MDGA2: variants seen among roughly 807,000 people sequenced by gnomAD.
The protein encoded by MDGA2 is MAM domain-containing glycosylphosphatidylinositol anchor protein 2.
In MDGA2, 40 loss-of-function variants were observed where a neutral mutation model predicts 117.8. The ratio of observed to expected loss-of-function variants is 0.34; its 90% confidence interval spans 0.26 to 0.44. The LOEUF (loss-of-function observed/expected upper bound fraction) is 0.44. Ranked by LOEUF, MDGA2 falls within the 20% of genes least tolerant of loss-of-function variation. The pLI, the probability that MDGA2 is intolerant of heterozygous loss-of-function variation, is 1.00. For synonymous variants in MDGA2, 452 were observed against 439.0 expected (o/e 1.03, Z -0.37); for missense variants, 1,123 against 1,250.6 (o/e 0.90, Z 1.54).
intron 2 of MDGA2, among the ~76,000 whole-genome samples, chr14:47,256,828 A>G (rs1887636119): frequency 6.6e-6 from 1 of 151,806 alleles, no homozygotes; most frequent in Non-Finnish European, 1.5e-5. Context: ...AAGAAAGGAA[A>G]GAAGGAAGGA....
At chr14:47,601,636 A>G (rs945249748) in intron 1 of MDGA2, among the ~76,000 whole-genome samples, 2 of 152,196 alleles carry the variant, frequency 1.3e-5, no homozygotes, top group Non-Finnish European at 2.9e-5. Context: ...AGACAATAGC[A>G]TGTCAGAGTT....
chr14:47,285,578 C>T (rs1293448923), intron 2 of MDGA2, among the ~76,000 whole-genome samples: 1 of 152,118 alleles, frequency 6.6e-6, no homozygotes, highest in Non-Finnish European at 1.5e-5. Flanking sequence ...CTAGAATTTT[C>T]TCTGACTGAA....
chr14:46,992,542 T>C (rs1887131697), intron 8 of MDGA2, among the ~76,000 whole-genome samples: 1 of 152,210 alleles, frequency 6.6e-6, no homozygotes, highest in Non-Finnish European at 1.5e-5. Flanking sequence ...GTAGAAATCA[T>C]TTATGCTTAA....
intron 8 of MDGA2, among the ~76,000 whole-genome samples, chr14:46,960,180 C>T (rs1461554333): frequency 4.6e-5 from 7 of 151,902 alleles, no homozygotes; most frequent in South Asian, 2.1e-4. Context: ...GAGATTGCAC[C>T]GCTGCACTCC....
intron 1 of MDGA2, among the ~76,000 whole-genome samples, chr14:47,448,950 T>A (rs1270807558): frequency 2.0e-5 from 3 of 152,138 alleles, no homozygotes; most frequent in Non-Finnish European, 1.5e-5. Flanking sequence ...AACTGGTTGC[T>A]GATATGAGGA....
intron 1 of MDGA2, among the ~76,000 whole-genome samples, chr14:47,441,218 A>G (rs544841714): frequency 1.7e-4 from 26 of 152,218 alleles, no homozygotes; most frequent in African/African-American, 6.3e-4. Context: ...AGGACTTCCA[A>G]ACTGAGAACA....
chr14:47,217,384 G>C (rs1473856995), intron 3 of MDGA2, among the ~76,000 whole-genome samples: 1 of 151,836 alleles, frequency 6.6e-6, no homozygotes, highest in South Asian at 2.1e-4. Flanking sequence ...TAAGTAAGGA[G>C]ACCAAAAAGA....
chr14:47,104,601 C>T (rs1395109504), intron 5 of MDGA2, among the ~76,000 whole-genome samples: 1 of 151,638 alleles, frequency 6.6e-6, no homozygotes, highest in Non-Finnish European at 1.5e-5. Context: ...CTCAGCCTGC[C>T]TGCACCCAGG....
At chr14:47,630,258 T>A (rs934414165) in intron 1 of MDGA2, among the ~76,000 whole-genome samples, 2 of 152,180 alleles carry the variant, frequency 1.3e-5, no homozygotes, top group Non-Finnish European at 2.9e-5. Context: ...AAAAGTTACA[T>A]ATTTTTATAA....
At chr14:47,112,429 G>A (rs1881092703) in intron 5 of MDGA2, among the ~76,000 whole-genome samples, 1 of 152,032 alleles carries the variant, frequency 6.6e-6, no homozygotes, top group Non-Finnish European at 1.5e-5. Flanking sequence ...TCTAGTGTGT[G>A]TTGTTCTCCT....
intron 1 of MDGA2, among the ~76,000 whole-genome samples, chr14:47,313,916 T>C (rs138554809): frequency 0.014 from 2,167 of 152,260 alleles, 162 homozygotes; most frequent in Admixed American, 0.12. Context: ...AAGATACATA[T>C]ACAAGTATGC....
chr14:47,665,829 CCCCA>C (rs1224081028), intron 1 of MDGA2, among the ~76,000 whole-genome samples: 71 of 81,650 alleles, frequency 8.7e-4, no homozygotes, highest in African/African-American at 2.8e-3. Flanking sequence ...CCCGCCCCCG[CCCCA>C]CCCCGCCCCA....
intron 1 of MDGA2, among the ~76,000 whole-genome samples, chr14:47,436,596 G>A (rs1267796315): frequency 1.3e-5 from 2 of 151,930 alleles, no homozygotes; most frequent in East Asian, 3.9e-4. Flanking sequence ...CTAGCCGAGG[G>A]GTGTCCAATC....
At chr14:46,898,098 G>A (rs1434699481) in intron 10 of MDGA2, among the ~76,000 whole-genome samples, 1 of 151,880 alleles carries the variant, frequency 6.6e-6, no homozygotes, top group Non-Finnish European at 1.5e-5. Context: ...TAAATGAAAA[G>A]ATAAATGCAT....
intron 9 of MDGA2, among the ~76,000 whole-genome samples, chr14:46,937,295 T>A (rs1566534672): frequency 1.3e-5 from 2 of 148,438 alleles, no homozygotes; most frequent in South Asian, 2.2e-4. Context: ...AAATACTGGT[T>A]AAAAAAAATT....
At chr14:47,495,752 T>C (rs1894269330) in intron 1 of MDGA2, among the ~76,000 whole-genome samples, 1 of 152,204 alleles carries the variant, frequency 6.6e-6, no homozygotes, top group African/African-American at 2.4e-5. Context: ...CTATTGAGGA[T>C]GGTGATCATT....
chr14:46,954,485 A>T (rs1288436167), intron 9 of MDGA2, among the ~76,000 whole-genome samples: 1 of 151,982 alleles, frequency 6.6e-6, no homozygotes, highest in African/African-American at 2.4e-5. Flanking sequence ...TCTTGGCAGG[A>T]CCCTACTTCC....
intron 1 of MDGA2, among the ~76,000 whole-genome samples, chr14:47,592,526 T>C (rs1468616891): frequency 2.0e-5 from 3 of 152,136 alleles, no homozygotes. Flanking sequence ...AGCATGGTAT[T>C]GGTATGAAAA....
At position 47,165,521 on chromosome 14, in the gene MDGA2, T is replaced by C. The variant is rs79482440; in HGVS notation, c.596-21247A>G. On this transcript the variant is annotated intron_variant, in intron 3 of 16. Coordinates refer to ENST00000399232, the MANE Select transcript of MDGA2 (RefSeq NM_001113498.3). ...TCCTTCAGGACTGTAGAGGTGATGA[T>C]AGAAGCAGGGGAGGTAAGGGATAAA... Among the ~76,000 whole-genome samples, 173 of 152,244 alleles carry C rather than the reference T, an allele frequency of 1.1e-3. 2 individuals are homozygous for C. The East Asian group carries it at 0.029, about 26-fold the overall frequency.
Sources: gnomAD v4.1 joint callset for allele counts (sites outside exome capture counted in the v4.1 genomes callset) on GRCh38, gnomAD v4.1.1 for gene constraint, MANE v1.5 for transcripts, NCBI Gene and HGNC (gene_info 2026-07-23, HGNC 2026-07-21) for gene names.